Variants in ESRRG observed in about 807,000 individuals in gnomAD.
ESRRG encodes estrogen-related receptor gamma.
ESRRG carries 13 observed loss-of-function variants against 44.0 expected under a neutral mutation model. The ratio of observed to expected loss-of-function variants is 0.30; its 90% CI spans 0.19 to 0.47. ESRRG has a LOEUF of 0.47. Ranked by LOEUF, ESRRG falls within the 20% of genes least tolerant of loss-of-function variation. The pLI is 1.00. For missense variants in ESRRG, 395 were observed against 580.6 expected, an observed-to-expected ratio of 0.68 and a Z score of 3.29; for synonymous variants, 215 against 214.6, an observed-to-expected ratio of 1.00 and a Z score of -0.02.
At chr1:216,986,548 A>T (rs2074902382) in intron 1 of ESRRG, among the ~76,000 whole-genome samples, 1 of 151,928 alleles carries the variant, frequency 6.6e-6, no homozygotes, top group Admixed American at 6.6e-5. Flanking sequence ...TCGTCTCTGT[A>T]AAATAATAAT....
At chr1:217,096,202 C>T (rs2092420833) in intron 1 of ESRRG, among the ~76,000 whole-genome samples, 1 of 152,156 alleles carries the variant, frequency 6.6e-6, no homozygotes, top group South Asian at 2.1e-4. Flanking sequence ...TGTGGGTTTT[C>T]TGGAGTTCTT....
At chr1:216,839,192 G>A (rs1341713375) in intron 2 of ESRRG, among the ~76,000 whole-genome samples, 7 of 152,206 alleles carry the variant, frequency 4.6e-5, no homozygotes, top group South Asian at 4.1e-4. Context: ...CAGCACCTTC[G>A]CTAGGAGTAG....
intron 1 of ESRRG, among the ~76,000 whole-genome samples, chr1:217,096,054 A>G (rs2092418677): frequency 6.6e-6 from 1 of 152,244 alleles, no homozygotes; most frequent in East Asian, 1.9e-4. Flanking sequence ...ATTTATTTGA[A>G]TAAGTTCTTA....
chr1:217,086,817 C>T (rs564946158), intron 1 of ESRRG, among the ~76,000 whole-genome samples: 6 of 152,294 alleles, frequency 3.9e-5, no homozygotes, highest in African/African-American at 9.6e-5. Flanking sequence ...ATGACACCTT[C>T]GGTGTCTAAT....
At chr1:216,642,734 C>G (rs974846524) in intron 3 of ESRRG, among the ~76,000 whole-genome samples, 2 of 152,088 alleles carry the variant, frequency 1.3e-5, no homozygotes, top group South Asian at 4.1e-4. Flanking sequence ...GCAGTAGGAG[C>G]CCAAATTTCC....
intron 1 of ESRRG, among the ~76,000 whole-genome samples, chr1:217,075,242 G>T (rs2091126426): frequency 6.6e-6 from 1 of 152,168 alleles, no homozygotes; most frequent in African/African-American, 2.4e-5. Flanking sequence ...CACTTACTCT[G>T]CCAGACACAC....
chr1:216,622,741 G>A (rs1220650832), intron 3 of ESRRG, among the ~76,000 whole-genome samples: 3 of 152,068 alleles, frequency 2.0e-5, no homozygotes, highest in Non-Finnish European at 4.4e-5. Flanking sequence ...TTTTCCTGAA[G>A]AAGAAATTTA....
At chr1:217,113,990 C>A (rs1031856955) in intron 1 of ESRRG, among the ~76,000 whole-genome samples, 1 of 151,416 alleles carries the variant, frequency 6.6e-6, no homozygotes, top group Admixed American at 6.6e-5. Flanking sequence ...CAGAGTTAGA[C>A]CATGTTTCTA....
At chr1:217,101,719 T>C (rs2092514826) in intron 1 of ESRRG, among the ~76,000 whole-genome samples, 2 of 152,246 alleles carry the variant, frequency 1.3e-5, no homozygotes, top group South Asian at 4.1e-4. Flanking sequence ...TATAAAGTCA[T>C]GTTGATTCTA....
At chr1:216,742,757 A>T (rs2090911403) in intron 2 of ESRRG, among the ~76,000 whole-genome samples, 1 of 152,114 alleles carries the variant, frequency 6.6e-6, no homozygotes, top group Non-Finnish European at 1.5e-5. Context: ...TGAACACCAA[A>T]TATGCTTATT....
At chr1:216,883,431 T>G (rs1344192228) in intron 2 of ESRRG, among the ~76,000 whole-genome samples, 1 of 146,386 alleles carries the variant, frequency 6.8e-6, no homozygotes, top group Non-Finnish European at 1.5e-5. Flanking sequence ...TTGCTCAGTG[T>G]GATTGCCATG....
chr1:216,740,282 C>A (rs2152217660), intron 2 of ESRRG, among the ~76,000 whole-genome samples: 1 of 152,256 alleles, frequency 6.6e-6, no homozygotes, highest in East Asian at 1.9e-4. Context: ...GCAGTTCATG[C>A]AGCTCTTGAT....
chr1:216,629,558 C>T (rs35878150), intron 3 of ESRRG, among the ~76,000 whole-genome samples: 3,119 of 152,210 alleles, frequency 0.02, 45 homozygotes, highest in Admixed American at 0.022. Context: ...TATAGGAATG[C>T]TAACTTTTTT....
At chr1:216,645,207 C>T (rs2067275138) in intron 3 of ESRRG, among the ~76,000 whole-genome samples, 1 of 152,126 alleles carries the variant, frequency 6.6e-6, no homozygotes, top group Admixed American at 6.6e-5. Flanking sequence ...ATATTTCTTG[C>T]TCCCCTAGGA....
At chr1:216,718,365 G>A (rs539822063) in intron 1 of ESRRG, among the ~76,000 whole-genome samples, 1 of 151,676 alleles carries the variant, frequency 6.6e-6, no homozygotes, top group South Asian at 2.1e-4. Flanking sequence ...TATACTCCTG[G>A]GTATCCTATC....
At chr1:216,766,135 T>C (rs1247599685) in intron 2 of ESRRG, among the ~76,000 whole-genome samples, 2 of 152,140 alleles carry the variant, frequency 1.3e-5, no homozygotes, top group Non-Finnish European at 2.9e-5. Context: ...TGCACTCACA[T>C]GGAAAAACTG....
At chr1:217,049,462 T>A (rs10863291) in intron 1 of ESRRG, among the ~76,000 whole-genome samples, 29,347 of 148,860 alleles carry the variant, frequency 0.2, 3,012 homozygotes, top group Middle Eastern at 0.33. Context: ...AAAGCATAAC[T>A]AAAAGTAGTA....
rs145405330 is a variant in ESRRG at position 216,923,675 on chromosome 1, T to G, written c.-14+15907A>C. ...GTGGCAGCAGGTTTTAAGGACAGCA[T>G]CATTCCATCAACATTCCATGCATCC... is the stretch of plus-strand genomic sequence containing the variant. On this transcript the variant is annotated intron_variant, in intron 2 of 7. Transcript: ENST00000359162. Among the ~76,000 whole-genome samples the G allele has an allele frequency of 5.3e-3, 807 of 152,328 alleles. 4 individuals are homozygous for G. The highest frequency in any genetic ancestry group is 8.4e-3 in the Non-Finnish European group (573 of 68,026).
At chr1:216,791,933 T>A (rs1320746396) in intron 2 of ESRRG, among the ~76,000 whole-genome samples, 1 of 152,132 alleles carries the variant, frequency 6.6e-6, no homozygotes, top group East Asian at 1.9e-4. Context: ...TTTCTTTTCT[T>A]TTCCACAAAA....
Sources: allele counts gnomAD v4.1 joint callset (sites outside exome capture counted in the v4.1 genomes callset), GRCh38; gene constraint gnomAD v4.1.1; transcripts MANE v1.5; gene names NCBI Gene and HGNC (gene_info 2026-07-23, HGNC 2026-07-21).